PCDH15: variants seen among roughly 807,000 people sequenced by gnomAD.
PCDH15 encodes the protein protocadherin-15.
Under a neutral mutation model 178.5 loss-of-function variants are expected in PCDH15, and 129 were observed. That is an observed-to-expected ratio of 0.72 (90% CI 0.63 to 0.84). The LOEUF (loss-of-function observed/expected upper bound fraction) is 0.84, where lower values mean the gene tolerates loss of function less well. PCDH15 is among the 40% of genes least tolerant of loss of function. PCDH15 has a pLI of 0.00. For missense variants in PCDH15, 2,230 were observed against 2,099.9 expected, an observed-to-expected ratio of 1.06 and a Z score of -1.21; for synonymous variants, 800 against 732.0, an observed-to-expected ratio of 1.09 and a Z score of -1.50.
In PCDH15 at chr10:53,943,817, A is replaced by C. The variant is rs563272664; in HGVS notation, c.3123-2842T>G. Among the ~76,000 whole-genome samples, 4 of 152,298 alleles carry C rather than the reference A, an allele frequency of 2.6e-5. No homozygotes were observed. In the South Asian group the frequency reaches 6.2e-4, roughly 24 times the overall value. On this transcript the variant is annotated intron_variant, in intron 23 of 37. Coordinates refer to ENST00000644397, the MANE Select transcript of PCDH15 (RefSeq NM_001384140.1). ...ATACAAATACAATCTTCTCCCAAAA[A>C]GAATTAAATGAACCTCCATGATAAT...
At position 55,520,326 on chromosome 10, in the gene PCDH15, GTATA is replaced by G. The variant is rs200235654; in HGVS notation, c.-156+107295_-156+107298del. The stretch of plus-strand genomic sequence containing the variant: ...ATATATATATATATACATGCAATGT[GTATA>G]TATATATATATATATATATACACAT... On this transcript the variant is annotated intron_variant, in intron 2 of 5. Transcript: ENST00000613346. Among the ~76,000 whole-genome samples the G allele has an allele frequency of 6.3e-3, 283 of 44,576 alleles. 54 individuals are homozygous for G. The highest frequency in any genetic ancestry group is 0.016 in the South Asian group (18 of 1,134). The allele number at this position is 44,576 out of a possible 152,430, so 29.2% of individuals were successfully genotyped here.
intron 3 of PCDH15, among the ~76,000 whole-genome samples, chr10:54,477,296 T>A (rs1369934560): frequency 1.3e-5 from 2 of 150,954 alleles, no homozygotes; most frequent in Non-Finnish European, 3.0e-5. Context: ...CTTTGGCCAA[T>A]TCCTACATAT....
intron 1 of PCDH15, among the ~76,000 whole-genome samples, chr10:55,241,903 T>C (rs1242748157): frequency 1.3e-5 from 2 of 152,228 alleles, no homozygotes; most frequent in Non-Finnish European, 2.9e-5. Flanking sequence ...AGTTAGAACT[T>C]ATCACAAATA....
At chr10:53,993,782 T>A (rs747889586) in intron 21 of PCDH15, among the ~76,000 whole-genome samples, 1 of 152,116 alleles carries the variant, frequency 6.6e-6, no homozygotes, top group South Asian at 2.1e-4. Flanking sequence ...TTTGCAACAA[T>A]GATTCAAAAG....
At chr10:55,317,378 G>C (rs1033778467) in intron 1 of PCDH15, among the ~76,000 whole-genome samples, 1 of 152,056 alleles carries the variant, frequency 6.6e-6, no homozygotes, top group Non-Finnish European at 1.5e-5. Context: ...CTTATAGGCA[G>C]TTTTCCCCTA....
intron 3 of PCDH15, among the ~76,000 whole-genome samples, chr10:54,511,416 C>T (rs1226428199): frequency 1.3e-5 from 2 of 152,086 alleles, no homozygotes; most frequent in African/African-American, 4.8e-5. Context: ...CCTAGGTGAC[C>T]TGCAGATTCT....
At chr10:53,912,948 G>T (rs2083225624) in intron 25 of PCDH15, among the ~76,000 whole-genome samples, 1 of 152,062 alleles carries the variant, frequency 6.6e-6, no homozygotes, top group African/African-American at 2.4e-5. Context: ...CTACTTTAAA[G>T]TTCATATGGA....
intron 2 of PCDH15, among the ~76,000 whole-genome samples, chr10:55,124,556 T>C (rs1591921022): frequency 1.3e-5 from 2 of 152,246 alleles, no homozygotes; most frequent in East Asian, 3.9e-4. Context: ...TTTGATCCTC[T>C]CCCTATTTTG....
chr10:54,349,229 G>C (rs1943799722), intron 5 of PCDH15, among the ~76,000 whole-genome samples: 1 of 152,156 alleles, frequency 6.6e-6, no homozygotes, highest in Admixed American at 6.5e-5. Context: ...TATTGGACCA[G>C]ATTTATTTTG....
At chr10:55,578,474 C>T (rs1319214242) in intron 2 of PCDH15, among the ~76,000 whole-genome samples, 5 of 152,156 alleles carry the variant, frequency 3.3e-5, no homozygotes, top group African/African-American at 1.2e-4. Flanking sequence ...CCGCCTCCGC[C>T]TTCCAAAGTG....
chr10:54,795,966 T>G (rs1319846590), intron 1 of PCDH15, among the ~76,000 whole-genome samples: 1 of 151,876 alleles, frequency 6.6e-6, no homozygotes, highest in Non-Finnish European at 1.5e-5. Flanking sequence ...GTATGTGAAT[T>G]ACATCCTTTT....
intron 2 of PCDH15, among the ~76,000 whole-genome samples, chr10:55,494,393 T>C (rs1332318525): frequency 6.6e-6 from 1 of 151,794 alleles, no homozygotes; most frequent in Non-Finnish European, 1.5e-5. Context: ...CCACAAGTAA[T>C]TGAATCAACT....
chr10:55,175,961 C>A (rs576019079), intron 1 of PCDH15, among the ~76,000 whole-genome samples: 1 of 151,956 alleles, frequency 6.6e-6, no homozygotes, highest in Non-Finnish European at 1.5e-5. Context: ...CAGTGGGGAC[C>A]ACTGTAGGGT....
intron 2 of PCDH15, among the ~76,000 whole-genome samples, chr10:55,493,552 A>AT (rs1565193962): frequency 6.6e-6 from 1 of 151,756 alleles, no homozygotes; most frequent in African/African-American, 2.4e-5. Flanking sequence ...AAAAAAAAAA[A>AT]GGGAAAGAAT....
intron 1 of PCDH15, among the ~76,000 whole-genome samples, chr10:55,193,103 A>G (rs1232683522): frequency 1.3e-5 from 2 of 151,676 alleles, no homozygotes; most frequent in African/African-American, 4.8e-5. Flanking sequence ...ACTGTCCTCA[A>G]CCTGGACATA....
intron 2 of PCDH15, among the ~76,000 whole-genome samples, chr10:54,577,960 T>C (rs187392678): frequency 6.0e-4 from 92 of 152,242 alleles, no homozygotes; most frequent in African/African-American, 2.2e-3. Context: ...TAAGACCATG[T>C]CGAATTAAGT....
chr10:54,252,071 C>G (rs1309129928), intron 8 of PCDH15, among the ~76,000 whole-genome samples: 4 of 152,122 alleles, frequency 2.6e-5, no homozygotes, highest in African/African-American at 9.7e-5. Context: ...ATGATCACTA[C>G]CTTGCTGACT....
At chr10:55,064,961 A>G (rs959366026) in intron 2 of PCDH15, among the ~76,000 whole-genome samples, 1 of 152,014 alleles carries the variant, frequency 6.6e-6, no homozygotes, top group Non-Finnish European at 1.5e-5. Context: ...TCTCAATGAG[A>G]TGTTATTTTT....
intron 2 of PCDH15, among the ~76,000 whole-genome samples, chr10:55,129,051 G>C (rs1837976045): frequency 6.6e-6 from 1 of 152,076 alleles, no homozygotes; most frequent in Non-Finnish European, 1.5e-5. Flanking sequence ...TCAGATGGTT[G>C]CTTGCACAAT....
Sources: gnomAD v4.1 joint callset for allele counts (sites outside exome capture counted in the v4.1 genomes callset) on GRCh38, gnomAD v4.1.1 for gene constraint, MANE v1.5 for transcripts, NCBI Gene and HGNC (gene_info 2026-07-23, HGNC 2026-07-21) for gene names.